The following ITGB3BP variants were observed in gnomAD, a reference collection of about 807,000 sequenced individuals.
ITGB3BP encodes integrin subunit beta 3 binding protein.
In ITGB3BP, 27 loss-of-function variants were observed where a neutral mutation model predicts 29.1. The ratio of observed to expected loss-of-function variants is 0.93; its 90% confidence interval spans 0.68 to 1.28. ITGB3BP has a LOEUF of 1.28. ITGB3BP is among the 50% of genes most tolerant of loss of function. ITGB3BP has a pLI of 0.00. For missense variants in ITGB3BP, 192 were observed against 200.2 expected, an observed-to-expected ratio of 0.96 and a Z score of 0.25; for synonymous variants, 61 against 61.4, an observed-to-expected ratio of 0.99 and a Z score of 0.03.
At chr1:63,467,497 C>T (rs1354116411) in intron 4 of ITGB3BP, among the ~76,000 whole-genome samples, 2 of 148,968 alleles carry the variant, frequency 1.3e-5, no homozygotes, top group African/African-American at 2.5e-5. Flanking sequence ...TACAGGCACA[C>T]CACCACATCC....
intron 4 of ITGB3BP, 133 bp downstream of exon 4, chr1:63,478,630 CT>C: frequency 1.9e-6 from 1 of 524,286 alleles, no homozygotes; most frequent in Non-Finnish European, 3.3e-6. Flanking sequence ...ATTCTACTTA[CT>C]TAAGAAAGAA....
chr1:63,441,806 G>C (rs191337949), intron 8 of ITGB3BP, among the ~76,000 whole-genome samples: 26 of 152,262 alleles, frequency 1.7e-4, no homozygotes, highest in African/African-American at 6.0e-4. Context: ...TCCCTCTGGG[G>C]ACTCCTAGTG....
At chr1:63,477,719 GA>G (rs536399172) in intron 4 of ITGB3BP, among the ~76,000 whole-genome samples, 413 of 137,730 alleles carry the variant, frequency 3.0e-3, no homozygotes, top group Admixed American at 3.4e-3. Flanking sequence ...GACAATCAGG[GA>G]AAAAAAAAAA....
intron 4 of ITGB3BP, among the ~76,000 whole-genome samples, chr1:63,460,848 G>A (rs188928699): frequency 2.0e-5 from 3 of 152,132 alleles, no homozygotes; most frequent in African/African-American, 7.2e-5. Flanking sequence ...TAAGATGTAA[G>A]GTCTCACTGT....
intron 2 of ITGB3BP, among the ~76,000 whole-genome samples, chr1:63,496,352 CA>C (rs1395411815): frequency 6.6e-6 from 1 of 152,078 alleles, no homozygotes; most frequent in Non-Finnish European, 1.5e-5. Context: ...CTCAGCCTCC[CA>C]AAGTGCTGGG....
chr1:63,523,833 G>C (rs1646524435), upstream of ITGB3BP, among the ~76,000 whole-genome samples: 1 of 152,184 alleles, frequency 6.6e-6, no homozygotes, highest in Admixed American at 6.5e-5. Flanking sequence ...ACCTGTGACG[G>C]TATTTCACTG....
rs1340884416 is a variant in ITGB3BP at position 63,515,848 on chromosome 1, AAAAAAG to A, written c.5+7275_6-7279del. Among the ~76,000 whole-genome samples the A allele has an allele frequency of 8.0e-5, 12 of 150,510 alleles. 1 individual carries two copies. In the East Asian group the frequency reaches 2.4e-3, roughly 30 times the overall value. On this transcript the variant is annotated intron_variant, in intron 1 of 8. Coordinates refer to ENST00000271002, the MANE Select transcript of ITGB3BP (RefSeq NM_014288.5). ...CTTAAAAAAAAAAAAAAAAAAAAAA[AAAAAAG>A]AACTACCCAGCAACCACCACACTAC...
intron 2 of ITGB3BP, among the ~76,000 whole-genome samples, chr1:63,492,779 AC>A (rs1210798803): frequency 7.9e-5 from 12 of 152,198 alleles, no homozygotes; most frequent in East Asian, 3.9e-4. Context: ...ATAAAAAAAA[AC>A]AAAACAAAAC....
intron 1 of ITGB3BP, among the ~76,000 whole-genome samples, chr1:63,519,008 C>T (rs1646394458): frequency 6.6e-6 from 1 of 152,116 alleles, no homozygotes. Flanking sequence ...ACTCCCTCTA[C>T]ACTTTGTGCC....
intron 4 of ITGB3BP, among the ~76,000 whole-genome samples, chr1:63,465,195 G>C (rs937591433): frequency 1.3e-5 from 2 of 152,154 alleles, no homozygotes; most frequent in African/African-American, 4.8e-5. Flanking sequence ...ATTCAGAAAA[G>C]TTTGAGTACC....
At chr1:63,443,525 G>A (rs1414575235) in intron 8 of ITGB3BP, among the ~76,000 whole-genome samples, 1 of 152,164 alleles carries the variant, frequency 6.6e-6, no homozygotes, top group East Asian at 1.9e-4. Flanking sequence ...GCTGTGGGCA[G>A]ATCAGGGAGA....
At chr1:63,465,171 G>A (rs1008766251) in intron 4 of ITGB3BP, among the ~76,000 whole-genome samples, 3 of 152,118 alleles carry the variant, frequency 2.0e-5, no homozygotes, top group Admixed American at 6.5e-5. Context: ...AAGGATGTCT[G>A]CAACTTCTCA....
At chr1:63,496,506 T>C (rs181692966) in intron 2 of ITGB3BP, among the ~76,000 whole-genome samples, 17 of 152,310 alleles carry the variant, frequency 1.1e-4, no homozygotes, top group Admixed American at 9.8e-4. Context: ...TTTTCCTTAA[T>C]AAAAATATTT....
chr1:63,463,278 T>C (rs1205342316), intron 4 of ITGB3BP, among the ~76,000 whole-genome samples: 1 of 131,816 alleles, frequency 7.6e-6, no homozygotes, highest in Admixed American at 7.7e-5. Context: ...AAAAGTCCTA[T>C]ACAACAGGTG....
At chr1:63,481,382 C>T (rs985750115) in intron 3 of ITGB3BP, among the ~76,000 whole-genome samples, 2 of 152,070 alleles carry the variant, frequency 1.3e-5, no homozygotes, top group African/African-American at 4.8e-5. Flanking sequence ...AGTAATACAA[C>T]ATATTGAGTA....
At chr1:63,472,472 C>CCCTCTCT (rs1183932727) in intron 4 of ITGB3BP, among the ~76,000 whole-genome samples, 9 of 148,400 alleles carry the variant, frequency 6.1e-5, no homozygotes, top group African/African-American at 9.9e-5. Context: ...CTCCCCTCTC[C>CCCTCTCT]CCTCTCTCCT....
chr1:63,458,219 T>C (rs1570140830), intron 4 of ITGB3BP: 1 of 152,292 alleles, frequency 6.6e-6, no homozygotes, highest in Admixed American at 6.5e-5. Flanking sequence ...CAGGTGTAAC[T>C]TGACTTTCAA....
chr1:63,469,595 G>C (rs1180960068), intron 4 of ITGB3BP, among the ~76,000 whole-genome samples: 1 of 152,082 alleles, frequency 6.6e-6, no homozygotes, highest in East Asian at 1.9e-4. Context: ...CAAAGTGTTG[G>C]GATTACAGGC....
Position 63,454,010 on chromosome 1 carries a change from A to G in ITGB3BP, c.428-36T>C. The G allele has an allele frequency of 2.5e-6, 3 of 1,210,692 alleles. No individual in the cohort carries two copies. Among genetic ancestry groups the G allele is most frequent in the Non-Finnish European group, 3.6e-6 (3 of 828,286 alleles). 75.0% of individuals were successfully genotyped at this position (1,210,692 alleles called of 1,614,324 possible). On this transcript the variant is annotated intron_variant, in intron 6 of 8. Coordinates refer to ENST00000271002, the MANE Select transcript of ITGB3BP (RefSeq NM_014288.5). This position sits in a 1 kb window ranked among gnomAD's most constrained non-coding sequence, Gnocchi z 4.1. ...TAAAAATCCCATGTCAAGAATTAAC[A>G]TAGAATATGGATAATTTCTCAATAC...
Sources: gnomAD v4.1 joint callset for allele counts (sites outside exome capture counted in the v4.1 genomes callset) on GRCh38, gnomAD v4.1.1 for gene constraint, Gnocchi (gnomAD v3.1) non-coding constraint, MANE v1.5 for transcripts, NCBI Gene and HGNC (gene_info 2026-07-23, HGNC 2026-07-21) for gene names.